Variants in TRPC4 observed in about 807,000 individuals in gnomAD.
TRPC4 encodes short transient receptor potential channel 4.
In TRPC4, 49 loss-of-function variants were observed where a neutral mutation model predicts 99.4. The ratio of observed to expected loss-of-function variants is 0.49; its 90% CI spans 0.39 to 0.63. TRPC4 has a LOEUF of 0.63. TRPC4 is among the 20% of genes least tolerant of loss of function. The pLI, the probability that TRPC4 is intolerant of heterozygous loss-of-function variation, is 0.00. For synonymous variants in TRPC4, 454 were observed against 425.9 expected, an observed-to-expected ratio of 1.07 and a Z score of -0.81; for missense variants, 898 against 1,152.9, an observed-to-expected ratio of 0.78 and a Z score of 3.20.
intron 2 of TRPC4, among the ~76,000 whole-genome samples, chr13:37,749,103 G>A (rs1379234099): frequency 1.3e-5 from 2 of 151,998 alleles, no homozygotes; most frequent in Non-Finnish European, 2.9e-5. Context: ...TAAGTGTCTG[G>A]CACTTCCCCT....
intron 3 of TRPC4, among the ~76,000 whole-genome samples, chr13:37,704,661 A>G (rs147327346): frequency 3.3e-5 from 5 of 152,256 alleles, no homozygotes; most frequent in Admixed American, 2.6e-4. Flanking sequence ...AAATAAATAA[A>G]TAAATAAAAC....
intron 3 of TRPC4, among the ~76,000 whole-genome samples, chr13:37,708,982 CCA>C (rs913663103): frequency 2.0e-5 from 3 of 151,796 alleles, no homozygotes; most frequent in African/African-American, 7.3e-5. Context: ...TTTATTTTTA[CCA>C]CAATAATCTT....
At chr13:37,755,536 G>A (rs1956075742) in intron 2 of TRPC4, among the ~76,000 whole-genome samples, 1 of 151,424 alleles carries the variant, frequency 6.6e-6, no homozygotes, top group Non-Finnish European at 1.5e-5. Context: ...AGCCTCCCAA[G>A]TAGCCGGACT....
At chr13:37,679,875 T>C (rs565109896) in intron 4 of TRPC4, among the ~76,000 whole-genome samples, 1 of 152,184 alleles carries the variant, frequency 6.6e-6, no homozygotes, top group African/African-American at 2.4e-5. Context: ...GGTGGGAAAC[T>C]TAGAATTTAA....
At chr13:37,716,943 G>A (rs777139860) in intron 3 of TRPC4, among the ~76,000 whole-genome samples, 7 of 149,836 alleles carry the variant, frequency 4.7e-5, no homozygotes, top group South Asian at 2.1e-4. Context: ...TGGTGGGGAC[G>A]GTGGTAAAAT....
rs533553825 is a variant in TRPC4, at chr13:37,827,912, G to A, written c.-28+41683C>T. Among the ~76,000 whole-genome samples the A allele has an allele frequency of 3.3e-5, 5 of 152,342 alleles. No homozygotes were observed. In the East Asian group the frequency reaches 9.6e-4, roughly 29 times the overall value. On this transcript the variant is annotated intron_variant, in intron 1 of 10. Coordinates refer to ENST00000379705, the MANE Select transcript of TRPC4 (RefSeq NM_016179.4). Reference sequence around the variant, plus strand: ...AGTTTGATCTCAGACTGCTGTGCTAGCAATCAGCGAGACTCCATGGGCGTA... The same window carrying A: ...AGTTTGATCTCAGACTGCTGTGCTAACAATCAGCGAGACTCCATGGGCGTA...
At chr13:37,771,979 A>C (rs1200675243) in intron 2 of TRPC4, among the ~76,000 whole-genome samples, 1 of 151,612 alleles carries the variant, frequency 6.6e-6, no homozygotes, top group African/African-American at 2.4e-5. Flanking sequence ...TAGACAACTG[A>C]AGTTGGACTA....
chr13:37,634,046 TC>T lies in TRPC4; in HGVS notation c.*2856del, dbSNP rs1951452072. Among the ~76,000 whole-genome samples the T allele has an allele frequency of 6.6e-6, 1 of 152,076 alleles. No homozygotes were observed. The highest frequency in any genetic ancestry group is 6.6e-5 in the Admixed American group (1 of 15,224). On this transcript the variant is annotated 3_prime_UTR_variant, in exon 11 of 11. Coordinates refer to ENST00000379705, the MANE Select transcript of TRPC4 (RefSeq NM_016179.4). ...CTATTAAACTGAATTTTCAACACAC[TC>T]CTTCACCTAACTCAGACACAAAATT...
intron 5 of TRPC4, 53 bp downstream of exon 5, chr13:37,674,175 A>C (rs754055491): frequency 3.7e-5 from 54 of 1,450,568 alleles, no homozygotes; most frequent in Admixed American, 7.9e-5. Flanking sequence ...AGTTGAAAGT[A>C]TATCATTAAT....
chr13:37,702,525 C>T (rs1954133202), intron 3 of TRPC4, among the ~76,000 whole-genome samples: 1 of 152,068 alleles, frequency 6.6e-6, no homozygotes, highest in African/African-American at 2.4e-5. Context: ...GATTGTTAGC[C>T]TAAATTAATG....
chr13:37,846,020 A>T (rs1252555533), intron 1 of TRPC4, among the ~76,000 whole-genome samples: 1 of 152,186 alleles, frequency 6.6e-6, no homozygotes, highest in African/African-American at 2.4e-5. Flanking sequence ...CAAATTCTAT[A>T]TTAATAGTGC....
At chr13:37,824,958 T>C (rs1958155516) in intron 1 of TRPC4, among the ~76,000 whole-genome samples, 2 of 152,162 alleles carry the variant, frequency 1.3e-5, no homozygotes, top group South Asian at 4.1e-4. Context: ...GATCCTGTTA[T>C]TGGTCTATTC....
chr13:37,739,245 C>G (rs1013917526), intron 3 of TRPC4, among the ~76,000 whole-genome samples: 1 of 152,016 alleles, frequency 6.6e-6, no homozygotes, highest in Non-Finnish European at 1.5e-5. Flanking sequence ...TGAATCTTTT[C>G]AAAGCAGTTT....
chr13:37,652,563 G>T (rs1952082729), intron 7 of TRPC4, among the ~76,000 whole-genome samples: 2 of 108,552 alleles, frequency 1.8e-5, no homozygotes, highest in South Asian at 6.2e-4. Flanking sequence ...CACAGAAGCT[G>T]CAGTTTCCCT....
At chr13:37,645,261 T>A (rs1450190658) in intron 8 of TRPC4, among the ~76,000 whole-genome samples, 1 of 152,124 alleles carries the variant, frequency 6.6e-6, no homozygotes, top group Admixed American at 6.5e-5. Context: ...AGAAAGACCA[T>A]CTAGTGAGAA....
chr13:37,789,327 G>T (rs559501937), intron 1 of TRPC4, among the ~76,000 whole-genome samples: 16 of 152,076 alleles, frequency 1.1e-4, no homozygotes, highest in Non-Finnish European at 2.1e-4. Flanking sequence ...AGCAACTCCT[G>T]CCGGGTTTTA....
At chr13:37,741,653 C>T (rs1955592557) in intron 3 of TRPC4, among the ~76,000 whole-genome samples, 2 of 151,866 alleles carry the variant, frequency 1.3e-5, no homozygotes, top group Non-Finnish European at 2.9e-5. Flanking sequence ...TGCTTCATCA[C>T]AACGTGAAAG....
At chr13:37,637,701 G>C (rs931653857) in intron 10 of TRPC4, 76 bp from the exon 11 acceptor site, 51 of 1,389,520 alleles carry the variant, frequency 3.7e-5, no homozygotes, top group Non-Finnish European at 4.6e-5. Flanking sequence ...CTCATATATG[G>C]GTCAGAAATG....
intron 4 of TRPC4, among the ~76,000 whole-genome samples, chr13:37,682,151 A>G (rs1280156031): frequency 6.6e-6 from 1 of 152,192 alleles, no homozygotes; most frequent in Non-Finnish European, 1.5e-5. Flanking sequence ...CACCAATAGT[A>G]AACAACCCCA....
Sources: allele counts gnomAD v4.1 joint callset (sites outside exome capture counted in the v4.1 genomes callset), GRCh38; gene constraint gnomAD v4.1.1; transcripts MANE v1.5; gene names NCBI Gene and HGNC (gene_info 2026-07-23, HGNC 2026-07-21).